EXOC6B: variants seen among roughly 807,000 people sequenced by gnomAD.
EXOC6B encodes the protein exocyst complex component 6B.
EXOC6B carries 54 observed loss-of-function variants against 113.5 expected under a neutral mutation model. That is an observed-to-expected ratio of 0.48 (90% CI 0.38 to 0.60). The LOEUF is 0.60. Among genes scored for constraint, EXOC6B ranks in the 20% least tolerant of loss-of-function variants. EXOC6B has a pLI of 0.00. For synonymous variants in EXOC6B, 357 were observed against 339.0 expected, an observed-to-expected ratio of 1.05 and a Z score of -0.58; for missense variants, 797 against 977.5, an observed-to-expected ratio of 0.82 and a Z score of 2.46.
Position 72,480,826 on chromosome 2 carries a change from G to A in EXOC6B, c.1666-76C>T, listed in dbSNP as rs905589619. On this transcript the variant is annotated intron_variant, in intron 16 of 21. Transcript: ENST00000272427. The stretch of plus-strand genomic sequence containing the variant: ...TGAATGGCTCAATATGAATCTGCCG[G>A]TACAAAACAAATGTAAGGCATAATG... The A allele has an allele frequency of 6.9e-5, 97 of 1,406,238 alleles. 1 individual carries two copies. The highest frequency in any genetic ancestry group is 9.1e-5 in the Non-Finnish European group (95 of 1,039,382). The allele number at this position is 1,406,238 out of a possible 1,614,324, so 87.1% of individuals were successfully genotyped here.
chr2:72,418,785 G>A (rs1397325469), intron 18 of EXOC6B, among the ~76,000 whole-genome samples: 1 of 152,116 alleles, frequency 6.6e-6, no homozygotes, highest in Non-Finnish European at 1.5e-5. Flanking sequence ...TTTGACTGGA[G>A]AGGTTAAACC....
At chr2:72,619,412 T>A (rs11884266) in intron 6 of EXOC6B, among the ~76,000 whole-genome samples, 33,025 of 151,348 alleles carry the variant, frequency 0.22, 5,910 homozygotes, top group African/African-American at 0.5. Flanking sequence ...ATTAAAAAAA[T>A]GGAAAAAGAG....
At position 72,826,017 on chromosome 2, in the gene EXOC6B, G is replaced by T. The variant is rs558321602; in HGVS notation, c.-107C>A. 2.0e-6 allele frequency: 3 copies of T among 1,487,026 alleles called. No homozygotes were observed. Among genetic ancestry groups the T allele is most frequent in the Non-Finnish European group, 2.7e-6 (3 of 1,115,018 alleles). The allele number at this position is 1,487,026 out of a possible 1,614,324, so 92.1% of individuals were successfully genotyped here. ...GGCTCCACAGCCGCCCCAGCCTCTG[G>T]CTACCCGCAGGCCGACCCCTCCCTC... On this transcript the variant is annotated 5_prime_UTR_variant, in exon 1 of 22. Transcript: ENST00000272427.
Position 72,825,948 on chromosome 2 carries a change from C to G in EXOC6B, c.-38G>C. ...CCCCGCAGCGCGTCCCCTCCGTCGG[C>G]TCGGCTCACCTTTTCCCTGCCCCAC... On this transcript the variant is annotated 5_prime_UTR_variant, in exon 1 of 22. Transcript: ENST00000272427. This position sits in a 1 kb window ranked among gnomAD's most constrained non-coding sequence, Gnocchi z 4.4. 1 of 1,605,378 alleles carries G rather than the reference C, an allele frequency of 6.2e-7. No individual in the cohort carries two copies. Among genetic ancestry groups the G allele is most frequent in the Non-Finnish European group, 8.5e-7 (1 of 1,178,264 alleles).
intron 6 of EXOC6B, among the ~76,000 whole-genome samples, chr2:72,662,558 G>C (rs1413186191): frequency 1.3e-5 from 2 of 152,102 alleles, no homozygotes; most frequent in Non-Finnish European, 2.9e-5. Flanking sequence ...ACGATGAAAA[G>C]ATGCTCAAGA....
intron 6 of EXOC6B, among the ~76,000 whole-genome samples, chr2:72,695,929 T>C (rs954562144): frequency 3.9e-5 from 6 of 152,174 alleles, no homozygotes; most frequent in Non-Finnish European, 7.3e-5. Context: ...ATACCACTTG[T>C]GGCACTTAAC....
intron 19 of EXOC6B, among the ~76,000 whole-genome samples, chr2:72,365,253 A>AC (rs779585371): frequency 6.6e-6 from 1 of 152,046 alleles, no homozygotes; most frequent in Non-Finnish European, 1.5e-5. Flanking sequence ...ATTAAAAAAA[A>AC]CCCCTAAAAA....
chr2:72,586,148 G>A (rs1705553991), intron 6 of EXOC6B, among the ~76,000 whole-genome samples: 1 of 152,064 alleles, frequency 6.6e-6, no homozygotes, highest in African/African-American at 2.4e-5. Flanking sequence ...TAAAATGCTA[G>A]AAGAAAACCT....
chr2:72,317,311 C>T (rs1420272242), intron 20 of EXOC6B, among the ~76,000 whole-genome samples: 3 of 151,964 alleles, frequency 2.0e-5, no homozygotes, highest in African/African-American at 7.3e-5. Flanking sequence ...TGCCCCTTTC[C>T]CATCCCCAAA....
intron 20 of EXOC6B, among the ~76,000 whole-genome samples, chr2:72,216,397 A>G (rs1168447290): frequency 1.3e-5 from 2 of 152,196 alleles, no homozygotes; most frequent in African/African-American, 4.8e-5. Flanking sequence ...TAAAAAGTCA[A>G]AACAACAGAT....
chr2:72,719,524 G>A (rs1390429688), intron 5 of EXOC6B, among the ~76,000 whole-genome samples: 1 of 152,208 alleles, frequency 6.6e-6, no homozygotes, highest in Non-Finnish European at 1.5e-5. Flanking sequence ...CTAGGAGGCT[G>A]TAGACAGGCA....
chr2:72,179,555 C>T (rs1356076232), intron 21 of EXOC6B, 94 bp from the exon 22 acceptor site: 14 of 1,408,396 alleles, frequency 9.9e-6, no homozygotes, highest in East Asian at 9.1e-5. Flanking sequence ...GCATCTTAAC[C>T]ACTACCCAGA....
chr2:72,533,950 G>T (rs530055999), intron 8 of EXOC6B, among the ~76,000 whole-genome samples: 1 of 152,236 alleles, frequency 6.6e-6, no homozygotes, highest in South Asian at 2.1e-4. Context: ...AGTTTTGCCA[G>T]TCACTATCTC....
At chr2:72,661,370 C>CAAAA (rs200936973) in intron 6 of EXOC6B, among the ~76,000 whole-genome samples, 2 of 69,076 alleles carry the variant, frequency 2.9e-5, no homozygotes, top group East Asian at 4.6e-4. Flanking sequence ...CAAGGAATCT[C>CAAAA]AAAAAAAAAA....
chr2:72,466,650 TTTGA>T (rs1698074727), intron 17 of EXOC6B, among the ~76,000 whole-genome samples: 1 of 152,154 alleles, frequency 6.6e-6, no homozygotes, highest in East Asian at 1.9e-4. Flanking sequence ...CTTTATAAAA[TTTGA>T]TTGATAAATA....
chr2:72,249,944 G>T (rs1400501288), intron 20 of EXOC6B, among the ~76,000 whole-genome samples: 1 of 152,134 alleles, frequency 6.6e-6, no homozygotes, highest in African/African-American at 2.4e-5. Flanking sequence ...AACATAAGGG[G>T]TAACTCAATC....
chr2:72,807,991 G>A (rs986745909), intron 1 of EXOC6B, among the ~76,000 whole-genome samples: 2 of 152,168 alleles, frequency 1.3e-5, no homozygotes, highest in African/African-American at 4.8e-5. Flanking sequence ...ATAAACGCTT[G>A]AGGGGATGGA....
intron 18 of EXOC6B, among the ~76,000 whole-genome samples, chr2:72,407,362 T>C (rs1438152188): frequency 6.6e-6 from 1 of 152,240 alleles, no homozygotes; most frequent in Non-Finnish European, 1.5e-5. Flanking sequence ...CTAACTCATT[T>C]GATGAGGCCA....
At chr2:72,742,614 C>A (rs1681399060) in intron 1 of EXOC6B, among the ~76,000 whole-genome samples, 1 of 152,180 alleles carries the variant, frequency 6.6e-6, no homozygotes, top group South Asian at 2.1e-4. Flanking sequence ...TATATTCTCT[C>A]CTTCTTTAAA....
Sources: gnomAD v4.1 joint callset for allele counts (sites outside exome capture counted in the v4.1 genomes callset) on GRCh38, gnomAD v4.1.1 for gene constraint, Gnocchi (gnomAD v3.1) non-coding constraint, MANE v1.5 for transcripts, NCBI Gene and HGNC (gene_info 2026-07-23, HGNC 2026-07-21) for gene names.